The following MKLN1 variants were observed in gnomAD, a reference collection of about 807,000 sequenced individuals.
MKLN1 encodes muskelin.
In MKLN1, 18 loss-of-function variants were observed where a neutral mutation model predicts 99.0. The observed-to-expected ratio is 0.18, with a 90% confidence interval of 0.13 to 0.27. The LOEUF (loss-of-function observed/expected upper bound fraction) is 0.27. MKLN1 is among the 10% of genes least tolerant of loss of function. The probability of loss-of-function intolerance (pLI) is 1.00; values close to 1 mark genes in which losing one functional copy is unlikely to be tolerated. For missense variants in MKLN1, 621 were observed against 875.9 expected (o/e 0.71, Z 3.67); for synonymous variants, 288 against 293.2 (o/e 0.98, Z 0.18).
At chr7:131,377,559 AT>A (rs1379670059) in intron 2 of MKLN1, among the ~76,000 whole-genome samples, 25 of 152,018 alleles carry the variant, frequency 1.6e-4, no homozygotes. Context: ...GATTATTTTT[AT>A]TTCTTATTAA....
At chr7:131,404,849 G>C (rs1270289847) in intron 6 of MKLN1, among the ~76,000 whole-genome samples, 1 of 151,934 alleles carries the variant, frequency 6.6e-6, no homozygotes, top group African/African-American at 2.4e-5. Context: ...CACCTGCCTT[G>C]GCCTCCCAAA....
At chr7:131,369,917 A>T (rs959769976) in intron 1 of MKLN1, among the ~76,000 whole-genome samples, 1 of 150,758 alleles carries the variant, frequency 6.6e-6, no homozygotes, top group East Asian at 2.0e-4. Context: ...GCTCACTGCA[A>T]CCTCTGCCTC....
intron 3 of MKLN1, among the ~76,000 whole-genome samples, chr7:131,275,622 G>A (rs866118910): frequency 2.2e-4 from 27 of 124,706 alleles, no homozygotes; most frequent in African/African-American, 7.9e-4. Context: ...AGTAGAGACG[G>A]CTTTCACCAT....
chr7:131,303,792 C>T (rs562925406), intron 3 of MKLN1, among the ~76,000 whole-genome samples: 13 of 152,190 alleles, frequency 8.5e-5, no homozygotes, highest in African/African-American at 3.1e-4. Flanking sequence ...GAGAAGTGTT[C>T]AATGTGAATT....
intron 1 of MKLN1, among the ~76,000 whole-genome samples, chr7:131,118,533 A>G (rs565659080): frequency 1.4e-5 from 2 of 145,126 alleles, no homozygotes; most frequent in African/African-American, 2.6e-5. Flanking sequence ...AGCCTGAGCA[A>G]CAAGAGCAAA....
At position 131,294,913 on chromosome 7, in the gene MKLN1, G is replaced by A. The variant is rs533457080; in HGVS notation, c.-178-80511G>A. On this transcript the variant is annotated intron_variant, in intron 3 of 7. Transcript: ENST00000416992. ...AAGAAGGACAGAGTTCCCTTCCTTG[G>A]AACGCAAACCATCTCGTGAGGCTAG... 7.2e-5 allele frequency among the ~76,000 whole-genome samples: 11 copies of A among 152,260 alleles called. No homozygotes were observed. The South Asian group carries it at 2.1e-3, about 29-fold the overall frequency.
chr7:131,211,619 A>G (rs1455667312), intron 3 of MKLN1, among the ~76,000 whole-genome samples: 1 of 149,166 alleles, frequency 6.7e-6, no homozygotes, highest in Non-Finnish European at 1.5e-5. Flanking sequence ...TTTTTTTAAC[A>G]GTTTTGGATC....
In MKLN1 at chr7:131,477,438, T is replaced by C. The variant is rs568156138; in HGVS notation, c.2032-1185T>C. The stretch of plus-strand genomic sequence containing the variant: ...AGGAGGATTGCTTGAGTCCAAGAGG[T>C]TGAGGCTGCAGTGAGCCATGATCAC... On this transcript the variant is annotated intron_variant, in intron 16 of 17. Transcript: ENST00000352689. Among the ~76,000 whole-genome samples the C allele has an allele frequency of 2.0e-5, 3 of 148,756 alleles. No homozygotes were observed. The East Asian group carries it at 5.9e-4, about 29-fold the overall frequency.
intron 3 of MKLN1, among the ~76,000 whole-genome samples, chr7:131,245,745 A>C (rs1797477779): frequency 6.6e-6 from 1 of 152,252 alleles, no homozygotes; most frequent in Non-Finnish European, 1.5e-5. Flanking sequence ...CAGTGGGCTT[A>C]TCCCATCTAG....
chr7:131,306,763 G>GA (rs1209931297), intron 3 of MKLN1, among the ~76,000 whole-genome samples: 3 of 152,168 alleles, frequency 2.0e-5, no homozygotes, highest in Admixed American at 6.5e-5. Flanking sequence ...TAAAAGTTTG[G>GA]AAAATTTGCA....
chr7:131,414,153 T>G (rs1794951861), intron 7 of MKLN1, among the ~76,000 whole-genome samples: 2 of 152,146 alleles, frequency 1.3e-5, no homozygotes, highest in Admixed American at 1.3e-4. Flanking sequence ...TACAAAATAA[T>G]TGTATACATT....
rs921463709 is a variant in MKLN1 at position 131,254,851 on chromosome 7, A to C, written c.-179+51877A>C. 2.0e-5 allele frequency among the ~76,000 whole-genome samples: 3 copies of C among 152,134 alleles called. No individual in the cohort carries two copies. In the South Asian group the frequency reaches 6.2e-4, roughly 32 times the overall value. ...TGCATAATGGGGTTACCAGAAGAAG[A>C]GGAGAGAGAGAGGAGCGGAAAAAAA... On this transcript the variant is annotated intron_variant, in intron 3 of 7. Transcript: ENST00000416992.
At chr7:131,313,183 A>T (rs530977624) in intron 3 of MKLN1, among the ~76,000 whole-genome samples, 1 of 152,320 alleles carries the variant, frequency 6.6e-6, no homozygotes, top group Non-Finnish European at 1.5e-5. Flanking sequence ...AACTATCTTA[A>T]TTTAAACCCA....
chr7:131,457,886 G>T (rs970279688), intron 12 of MKLN1, among the ~76,000 whole-genome samples: 3 of 152,092 alleles, frequency 2.0e-5, no homozygotes, highest in Non-Finnish European at 2.9e-5. Context: ...CTGGACTCCA[G>T]CCTGGGCAAC....
At chr7:131,290,074 G>A (rs1489634918) in intron 3 of MKLN1, among the ~76,000 whole-genome samples, 1 of 152,230 alleles carries the variant, frequency 6.6e-6, no homozygotes, top group African/African-American at 2.4e-5. Flanking sequence ...GGGAGGCCAA[G>A]GCAGGTGGAT....
chr7:131,354,843 A>G (rs1282316462), intron 1 of MKLN1, among the ~76,000 whole-genome samples: 1 of 152,210 alleles, frequency 6.6e-6, no homozygotes, highest in Non-Finnish European at 1.5e-5. Context: ...AAACATTTAA[A>G]TACATCATTT....
At chr7:131,411,238 A>T (rs760237471) in intron 6 of MKLN1, 68 bp from the exon 7 acceptor site, 45 of 942,956 alleles carry the variant, frequency 4.8e-5, no homozygotes, top group Non-Finnish European at 6.7e-5. Context: ...TTAAATTTTA[A>T]TTTTTTTCTA....
intron 2 of MKLN1, among the ~76,000 whole-genome samples, chr7:131,201,597 C>T (rs1004081391): frequency 4.6e-5 from 7 of 152,092 alleles, no homozygotes; most frequent in Admixed American, 1.3e-4. Flanking sequence ...AATCATCATC[C>T]GTCTTGTATA....
chr7:131,272,455 G>A (rs1460941778), intron 3 of MKLN1, among the ~76,000 whole-genome samples: 1 of 152,220 alleles, frequency 6.6e-6, no homozygotes, highest in East Asian at 1.9e-4. Context: ...ACTGGTAGGG[G>A]TGAGAGGAGG....
Sources: allele counts gnomAD v4.1 joint callset (sites outside exome capture counted in the v4.1 genomes callset), GRCh38; gene constraint gnomAD v4.1.1; transcripts MANE v1.5; gene names NCBI Gene and HGNC (gene_info 2026-07-23, HGNC 2026-07-21).